Variants in DNAH12 observed in about 807,000 individuals in gnomAD.
DNAH12 encodes the protein dynein axonemal heavy chain 12.
DNAH12 carries 285 observed loss-of-function variants against 371.5 expected under a neutral mutation model. The ratio of observed to expected loss-of-function variants is 0.77; its 90% confidence interval spans 0.70 to 0.85. The LOEUF is 0.85. Among genes scored for constraint, DNAH12 ranks in the 40% least tolerant of loss-of-function variants. The pLI is 0.00. For synonymous variants in DNAH12, 1,200 were observed against 1,213.0 expected (o/e 0.99, Z 0.22); for missense variants, 3,611 against 3,689.4 (o/e 0.98, Z 0.55).
At chr3:57,298,889 A>C (rs550172588) in intron 70 of DNAH12, among the ~76,000 whole-genome samples, 2 of 152,300 alleles carry the variant, frequency 1.3e-5, no homozygotes, top group South Asian at 2.1e-4. Context: ...TGTTGTGATT[A>C]TCTTTTTATC....
chr3:57,314,417 C>T, intron 66 of DNAH12, 77 bp downstream of exon 66: 1 of 1,521,758 alleles, frequency 6.6e-7, no homozygotes, highest in East Asian at 2.5e-5. Context: ...AGTGAATCAG[C>T]TATTCCAAGC....
At chr3:57,464,083 A>T (rs903892626) in intron 17 of DNAH12, among the ~76,000 whole-genome samples, 1 of 152,086 alleles carries the variant, frequency 6.6e-6, no homozygotes, top group African/African-American at 2.4e-5. Flanking sequence ...TACCCTGATA[A>T]GAGCAAGGTC....
At position 57,378,807 on chromosome 3, in the gene DNAH12, T is replaced by G. The variant is rs2063331519; in HGVS notation, c.8223+351A>C. Among the ~76,000 whole-genome samples the G allele has an allele frequency of 2.0e-5, 3 of 152,320 alleles. No individual in the cohort carries two copies. In the South Asian group the frequency reaches 6.2e-4, roughly 32 times the overall value. On this transcript the variant is annotated intron_variant, in intron 52 of 73. Transcript: ENST00000495027. ...TTACTTCTGATCCTTTGAATCAACT[T>G]TTTAATCTGGCACTTTCCCCTTGAT...
At chr3:57,385,677 T>C (rs1406147785) in intron 47 of DNAH12, among the ~76,000 whole-genome samples, 1 of 151,760 alleles carries the variant, frequency 6.6e-6, no homozygotes, top group African/African-American at 2.4e-5. Flanking sequence ...AGCTCAGGAG[T>C]TTGAGATAAG....
intron 43 of DNAH12, among the ~76,000 whole-genome samples, chr3:57,401,704 T>C (rs2063872209): frequency 6.7e-6 from 1 of 148,298 alleles, no homozygotes; most frequent in African/African-American, 2.5e-5. Flanking sequence ...ATAATAAAGA[T>C]TAGAGTGGAG....
chr3:57,519,793 C>CA, intron 4 of DNAH12: 1 of 1,498,784 alleles, frequency 6.7e-7, no homozygotes, highest in Non-Finnish European at 9.3e-7. Context: ...GACCACAACA[C>CA]AGTCCTCTTG....
chr3:57,455,690 A>G (rs1287338070), intron 22 of DNAH12, among the ~76,000 whole-genome samples: 5 of 152,210 alleles, frequency 3.3e-5, no homozygotes, highest in African/African-American at 9.6e-5. Flanking sequence ...GCGCCCTTGT[A>G]TTATTTATCC....
chr3:57,324,834 G>A (rs538810082), intron 62 of DNAH12, among the ~76,000 whole-genome samples: 60 of 152,188 alleles, frequency 3.9e-4, no homozygotes, highest in Non-Finnish European at 7.2e-4. Context: ...AAGGGGTGAC[G>A]GATGACACCT....
At chr3:57,452,573 GT>G (rs562634009) in intron 25 of DNAH12, among the ~76,000 whole-genome samples, 7 of 152,238 alleles carry the variant, frequency 4.6e-5, no homozygotes, top group Middle Eastern at 6.8e-3. Flanking sequence ...CAAAGCTCCA[GT>G]TTTCTCATTA....
In DNAH12 at chr3:57,323,136, C is replaced by A. The variant is rs753449197; in HGVS notation, c.10254G>T (p.Trp3418Cys). The change falls in exon 64 of 74, where the codon TGG (tryptophan) becomes TGT (cysteine). Residue 3418 changes from tryptophan (W) to cysteine (C), a missense_variant. Around this residue, in one of 3 missense-constraint regions of DNAH12, gnomAD observed 2,266 missense variants for 2,236.9 expected, o/e 1.01. Coordinates refer to ENST00000495027, the MANE Select transcript of DNAH12 (RefSeq NM_001366028.2). ...MIKAAIEEGT[W>C]VCLQNCHLAV... ...CAAGATGGCAATTCTGTAGGCACAC[C>A]CAAGTTCCTTCTTCAATTGCTGCTT... 1.5e-5 allele frequency: 23 copies of A among 1,552,378 alleles called. No homozygotes were observed. The East Asian group carries it at 4.4e-4, about 30-fold the overall frequency.
At chr3:57,390,921 CT>C (rs1459668198) in intron 45 of DNAH12, among the ~76,000 whole-genome samples, 1 of 152,084 alleles carries the variant, frequency 6.6e-6, no homozygotes, top group Non-Finnish European at 1.5e-5. Flanking sequence ...CTGGGAATAC[CT>C]TGCCAATGTC....
At chr3:57,470,377 T>G in intron 16 of DNAH12, 66 bp downstream of exon 16, 1 of 1,340,880 alleles carries the variant, frequency 7.5e-7, no homozygotes, top group Non-Finnish European at 1.0e-6. Context: ...AAAAAAAAAA[T>G]CAATTTATAT....
intron 65 of DNAH12, among the ~76,000 whole-genome samples, chr3:57,316,705 T>C (rs770717671): frequency 7.9e-5 from 12 of 152,216 alleles, no homozygotes; most frequent in Non-Finnish European, 1.5e-4. Context: ...TCCCCCATAC[T>C]GTTCTTGTGA....
chr3:57,373,822 C>T (rs932729064), intron 55 of DNAH12, among the ~76,000 whole-genome samples: 19 of 152,100 alleles, frequency 1.2e-4, no homozygotes, highest in African/African-American at 3.1e-4. Flanking sequence ...TGCTTATTGC[C>T]GATAAGTTTC....
At chr3:57,550,269 C>T in the DNAH12 span, among the ~76,000 whole-genome samples, 19 of 152,102 alleles carry the variant, frequency 1.2e-4, no homozygotes, top group Admixed American at 3.3e-4. Context: ...TGAACTATGA[C>T]GACACCACCA....
intron 25 of DNAH12, among the ~76,000 whole-genome samples, chr3:57,450,744 T>C (rs7609943): frequency 0.68 from 103,440 of 152,078 alleles, 35,426 homozygotes; most frequent in South Asian, 0.8. Context: ...GACATAGTTC[T>C]TGCCCACAGG....
chr3:57,457,958 C>T lies in DNAH12; in HGVS notation c.3099G>A (p.Glu1033=). The T allele has an allele frequency of 6.4e-7, 1 of 1,551,454 alleles. No individual in the cohort carries two copies. Among genetic ancestry groups the T allele is most frequent in the Non-Finnish European group, 8.7e-7 (1 of 1,146,932 alleles). The change falls in exon 22 of 74, where the codon GAG becomes GAA. Residue 1033 remains glutamate, a synonymous_variant. Transcript: ENST00000495027. ...GCTGAACTCTAAGTGGATCTTTGGTCTCTGATAAAATCTCTAACATTTCAT... is the reference window on the plus strand; with the variant it reads ...GCTGAACTCTAAGTGGATCTTTGGTTTCTGATAAAATCTCTAACATTTCAT... ...SNDEMLEILS[E]TKDPLRVQPH...
intron 13 of DNAH12, among the ~76,000 whole-genome samples, chr3:57,477,407 A>G (rs1441221508): frequency 6.6e-6 from 1 of 152,176 alleles, no homozygotes; most frequent in African/African-American, 2.4e-5. Context: ...AGGCTTGACT[A>G]GGTAAACGAA....
At chr3:57,537,804 C>CCT (rs1489741925) in intron 2 of DNAH12, among the ~76,000 whole-genome samples, 1 of 151,744 alleles carries the variant, frequency 6.6e-6, no homozygotes, top group Non-Finnish European at 1.5e-5. Context: ...CCTGCCTCAG[C>CCT]CTCCCGAGTA....
Sources: gnomAD v4.1 joint callset for allele counts (sites outside exome capture counted in the v4.1 genomes callset) on GRCh38, gnomAD v4.1.1 for gene constraint, gnomAD v4.1.1 regional missense constraint, MANE v1.5 for transcripts, NCBI Gene and HGNC (gene_info 2026-07-23, HGNC 2026-07-21) for gene names.